Variants in NALF1 observed in about 807,000 individuals in gnomAD.
NALF1 encodes the protein family with sequence similarity 155 member A.
Under a neutral mutation model 48.4 loss-of-function variants are expected in NALF1, and 3 were observed. The observed-to-expected ratio is 0.06, with a 90% CI of 0.03 to 0.16. The LOEUF (loss-of-function observed/expected upper bound fraction) is 0.16, where lower values mean the gene tolerates loss of function less well. Among genes scored for constraint, NALF1 ranks in the 10% least tolerant of loss-of-function variants. The pLI, the probability that NALF1 is intolerant of heterozygous loss-of-function variation, is 1.00. For synonymous variants in NALF1, 262 were observed against 245.7 expected (o/e 1.07, Z -0.62); for missense variants, 526 against 571.5 (o/e 0.92, Z 0.81).
At chr13:107,175,995 C>T (rs181897344) in intron 2 of NALF1, among the ~76,000 whole-genome samples, 6 of 152,280 alleles carry the variant, frequency 3.9e-5, no homozygotes, top group African/African-American at 1.4e-4. Context: ...TCATAGGTAG[C>T]ATGCCTGAGA....
At chr13:107,313,176 A>G (rs1566482282) in intron 1 of NALF1, among the ~76,000 whole-genome samples, 1 of 152,158 alleles carries the variant, frequency 6.6e-6, no homozygotes, top group Non-Finnish European at 1.5e-5. Flanking sequence ...AGAATAGGAG[A>G]CAACCAACTC....
chr13:107,270,079 T>A (rs937083602), intron 1 of NALF1, among the ~76,000 whole-genome samples: 1 of 151,986 alleles, frequency 6.6e-6, no homozygotes, highest in African/African-American at 2.4e-5. Context: ...CAGAAATATG[T>A]TTCTTATAAC....
intron 1 of NALF1, among the ~76,000 whole-genome samples, chr13:107,258,709 T>C (rs541930157): frequency 6.6e-6 from 1 of 152,082 alleles, no homozygotes; most frequent in Non-Finnish European, 1.5e-5. Flanking sequence ...TTATCCTATA[T>C]TGACAAAATA....
intron 1 of NALF1, among the ~76,000 whole-genome samples, chr13:107,575,979 T>C (rs1181966328): frequency 8.6e-6 from 1 of 116,692 alleles, no homozygotes; most frequent in Non-Finnish European, 2.1e-5. Context: ...TGTGTGTGCA[T>C]ATGTGTGTGT....
At chr13:107,561,265 A>G (rs1180246676) in intron 1 of NALF1, among the ~76,000 whole-genome samples, 1 of 152,178 alleles carries the variant, frequency 6.6e-6, no homozygotes, top group African/African-American at 2.4e-5. Flanking sequence ...CCAGGCTCAC[A>G]TGTTGTACTT....
At chr13:107,798,966 T>A (rs967507140) in intron 1 of NALF1, among the ~76,000 whole-genome samples, 1 of 152,216 alleles carries the variant, frequency 6.6e-6, no homozygotes, top group Admixed American at 6.5e-5. Flanking sequence ...AGCTCACAAG[T>A]GCCTTATAAT....
At chr13:107,529,164 G>C (rs1876543997) in intron 1 of NALF1, among the ~76,000 whole-genome samples, 1 of 152,152 alleles carries the variant, frequency 6.6e-6, no homozygotes, top group Admixed American at 6.5e-5. Context: ...TAATGCTGGA[G>C]ACTTTGTCTT....
At chr13:107,522,790 T>C (rs1876290290) in intron 1 of NALF1, among the ~76,000 whole-genome samples, 1 of 151,964 alleles carries the variant, frequency 6.6e-6, no homozygotes, top group Admixed American at 6.6e-5. Flanking sequence ...TTTTTCTTTT[T>C]TGTATTTTTA....
intron 1 of NALF1, among the ~76,000 whole-genome samples, chr13:107,269,985 T>C (rs1191298773): frequency 7.0e-6 from 1 of 143,536 alleles, no homozygotes; most frequent in Non-Finnish European, 1.5e-5. Context: ...TTAGCCAGGA[T>C]GGTCTCGATT....
At chr13:107,715,391 G>A (rs1293430161) in intron 1 of NALF1, among the ~76,000 whole-genome samples, 4 of 151,972 alleles carry the variant, frequency 2.6e-5, no homozygotes, top group African/African-American at 9.7e-5. Flanking sequence ...TAGTAGAGAC[G>A]GGGTTTCTCC....
chr13:107,436,264 A>C (rs1884462436), intron 1 of NALF1, among the ~76,000 whole-genome samples: 1 of 152,216 alleles, frequency 6.6e-6, no homozygotes, highest in African/African-American at 2.4e-5. Context: ...CACTTTGCTG[A>C]GAAAATAAAG....
intron 1 of NALF1, among the ~76,000 whole-genome samples, chr13:107,601,092 G>A (rs1878912173): frequency 6.6e-6 from 1 of 152,182 alleles, no homozygotes; most frequent in Admixed American, 6.5e-5. Flanking sequence ...AGCAATGTCA[G>A]TTGGGGACCA....
intron 1 of NALF1, among the ~76,000 whole-genome samples, chr13:107,392,226 T>C (rs1171946685): frequency 6.6e-6 from 1 of 152,058 alleles, no homozygotes; most frequent in African/African-American, 2.4e-5. Flanking sequence ...TGGGGTGCTT[T>C]TGTGCAATCT....
chr13:107,522,477 C>T (rs1297648557), intron 1 of NALF1, among the ~76,000 whole-genome samples: 1 of 151,928 alleles, frequency 6.6e-6, no homozygotes, highest in Non-Finnish European at 1.5e-5. Context: ...CAGAATTTAT[C>T]TGTATATATG....
At chr13:107,369,852 G>A (rs1390021504) in intron 1 of NALF1, among the ~76,000 whole-genome samples, 1 of 152,150 alleles carries the variant, frequency 6.6e-6, no homozygotes, top group Middle Eastern at 3.2e-3. Context: ...TCCAAAGATG[G>A]CTTTGAGGCC....
intron 1 of NALF1, among the ~76,000 whole-genome samples, chr13:107,367,537 T>C (rs1344263173): frequency 6.6e-6 from 1 of 152,276 alleles, no homozygotes; most frequent in African/African-American, 2.4e-5. Flanking sequence ...AGGAATTAAT[T>C]ACAGAAGTGG....
chr13:107,269,045 C>A (rs1237223981), intron 1 of NALF1, among the ~76,000 whole-genome samples: 1 of 151,700 alleles, frequency 6.6e-6, no homozygotes, highest in Non-Finnish European at 1.5e-5. Flanking sequence ...CGCCTGTGGT[C>A]CCACGTCCTT....
At chr13:107,599,566 G>A (rs1335576148) in intron 1 of NALF1, among the ~76,000 whole-genome samples, 6 of 151,958 alleles carry the variant, frequency 3.9e-5, no homozygotes, top group East Asian at 3.8e-4. Context: ...GCCAATATTC[G>A]TTATTGCTAG....
intron 1 of NALF1, among the ~76,000 whole-genome samples, chr13:107,581,127 G>A (rs1471191529): frequency 1.3e-5 from 2 of 152,130 alleles, no homozygotes; most frequent in African/African-American, 4.8e-5. Flanking sequence ...TTTTGTTCAC[G>A]TTGTTTGTTC....
Sources: allele counts gnomAD v4.1 joint callset (sites outside exome capture counted in the v4.1 genomes callset), GRCh38; gene constraint gnomAD v4.1.1; transcripts MANE v1.5; gene names NCBI Gene and HGNC (gene_info 2026-07-23, HGNC 2026-07-21).